Variants in ZBTB41 observed in about 807,000 individuals in gnomAD.
The protein encoded by ZBTB41 is zinc finger and BTB domain-containing protein 41.
ZBTB41 carries 42 observed loss-of-function variants against 87.6 expected under a neutral mutation model. That is an observed-to-expected ratio of 0.48 (90% CI 0.37 to 0.62). The LOEUF (loss-of-function observed/expected upper bound fraction) is 0.62. Among genes scored for constraint, ZBTB41 ranks in the 20% least tolerant of loss-of-function variants. The pLI is 0.00. For missense variants in ZBTB41, 799 were observed against 1,078.9 expected (o/e 0.74, Z 3.63); for synonymous variants, 364 against 364.0 (o/e 1.00, Z 0.00).
rs530078716 is a variant in ZBTB41, at chr1:197,194,033, T to C, written c.1121-2134A>G. Among the ~76,000 whole-genome samples the C allele has an allele frequency of 6.2e-4, 94 of 152,282 alleles. 1 individual carries two copies. The highest frequency in any genetic ancestry group is 4.1e-4 in the Non-Finnish European group (28 of 68,028). On this transcript the variant is annotated intron_variant, in intron 2 of 10. Coordinates refer to ENST00000367405, the MANE Select transcript of ZBTB41 (RefSeq NM_194314.3). The stretch of plus-strand genomic sequence containing the variant: ...AAATCTTCTCATCTTTCTTTCTTTT[T>C]TTTTTGAGACGGAGTTTTGCTCTTG...
intron 2 of ZBTB41, among the ~76,000 whole-genome samples, chr1:197,195,434 A>G (rs1336641356): frequency 1.3e-5 from 2 of 152,230 alleles, no homozygotes; most frequent in Admixed American, 1.3e-4. Flanking sequence ...TGAGTTCATT[A>G]TATATCTGAT....
intron 3 of ZBTB41, 37 bp downstream of exon 3, chr1:197,191,655 A>C: frequency 5.9e-6 from 9 of 1,524,396 alleles, no homozygotes; most frequent in Non-Finnish European, 8.0e-6. Flanking sequence ...ATTAAAAGGC[A>C]CAATAAAGTA....
Position 197,158,538 on chromosome 1 carries a change from T to C in ZBTB41, c.*821A>G, listed in dbSNP as rs2125121043. The C allele has an allele frequency of 6.6e-6, 1 of 152,570 alleles. No homozygotes were observed. The highest frequency in any genetic ancestry group is 6.5e-5 in the Admixed American group (1 of 15,272). The allele number at this position is 152,570 out of a possible 1,614,324, so 9.5% of individuals were successfully genotyped here. On this transcript the variant is annotated 3_prime_UTR_variant, in exon 11 of 11. Transcript: ENST00000367405. ...ATATGCTATGTTGTATTGTCAACAT[T>C]TCTGAAATAAATAGTAAAGTACAAA... is the stretch of plus-strand genomic sequence containing the variant.
At chr1:197,189,404 T>C (rs536102701) in intron 4 of ZBTB41, among the ~76,000 whole-genome samples, 1 of 151,898 alleles carries the variant, frequency 6.6e-6, no homozygotes, top group East Asian at 1.9e-4. Flanking sequence ...TGTGCACCTG[T>C]AGTCCCAGCT....
chr1:197,191,456 C>CAAAAA (rs537220441), intron 3 of ZBTB41, among the ~76,000 whole-genome samples: 1 of 85,330 alleles, frequency 1.2e-5, no homozygotes, highest in Admixed American at 1.3e-4. Flanking sequence ...AGCCCTACTT[C>CAAAAA]AAAAAAAAAA....
chr1:197,178,311 T>C (rs1571656606), intron 7 of ZBTB41, 106 bp downstream of exon 7: 1 of 736,166 alleles, frequency 1.4e-6, no homozygotes, highest in East Asian at 3.1e-5. Flanking sequence ...TTGCATATCA[T>C]AAGGACTAAG....
chr1:197,183,774 A>C (rs1659814871), intron 5 of ZBTB41, among the ~76,000 whole-genome samples: 1 of 152,194 alleles, frequency 6.6e-6, no homozygotes, highest in Admixed American at 6.6e-5. Context: ...AGGGGAGCTA[A>C]GCCTTACTGC....
chr1:197,189,644 C>T (rs186319202), intron 4 of ZBTB41, among the ~76,000 whole-genome samples: 1 of 152,276 alleles, frequency 6.6e-6, no homozygotes, highest in Non-Finnish European at 1.5e-5. Flanking sequence ...ATTCCCTTCT[C>T]TTTAAATCTA....
chr1:197,200,164 C>T lies in ZBTB41; in HGVS notation c.310G>A (p.Val104Ile), dbSNP rs1660275803. The change falls in exon 2 of 11, where the codon GTA (valine) becomes ATA (isoleucine). Residue 104 changes from valine to isoleucine, a missense_variant. Val to Ile is a conservative substitution (Grantham distance 29). This residue lies in a region of ZBTB41 where 59 missense variants were observed against 120.1 expected (regional missense o/e 0.49). Transcript: ENST00000367405. ...VEGKEFSAHK[V>I]VVAVGSSYFH... ...TAACTACTGCCGACAGCAACGACTACTTTATGTGCACTAAATTCTTTTCCT... is the reference window on the plus strand; with the variant it reads ...TAACTACTGCCGACAGCAACGACTATTTTATGTGCACTAAATTCTTTTCCT... 6.2e-7 allele frequency: 1 copy of T among 1,613,832 alleles called. No homozygotes were observed. The highest frequency in any genetic ancestry group is 8.5e-7 in the Non-Finnish European group (1 of 1,180,034).
chr1:197,197,567 G>GGGAGGGAGGGAGGGAA (rs1172756928), intron 2 of ZBTB41, among the ~76,000 whole-genome samples: 14 of 132,100 alleles, frequency 1.1e-4, no homozygotes, highest in East Asian at 4.1e-4. Flanking sequence ...GAGGGAAGGA[G>GGGAGGGAGGGAGGGAA]GGAGGGAGGG....
Position 197,177,188 on chromosome 1 carries a change from G to A in ZBTB41, c.1773-518C>T, listed in dbSNP as rs1431740958. The stretch of plus-strand genomic sequence containing the variant: ...CCCCACATATTGAAGGAGGGACCTG[G>A]TGGCAGGTAACTGGATCATGGGGGC... On this transcript the variant is annotated intron_variant, in intron 7 of 10. Transcript: ENST00000367405. 2.2e-4 allele frequency among the ~76,000 whole-genome samples: 34 copies of A among 152,116 alleles called. 1 individual carries two copies. Among genetic ancestry groups the A allele is most frequent in the Non-Finnish European group, 1.5e-5 (1 of 68,000 alleles).
chr1:197,199,450 C>G lies in ZBTB41; in HGVS notation c.1024G>C (p.Gly342Arg). ...EEEPEAGDSV[G>R]NVHEGLTPVV... is the part of the protein sequence containing the mutation. ...GGAGTTAACCCCTCATGAACATTTC[C>G]TACAGAATCACCAGCCTCAGGTTCT... Residue 342 changes from glycine to arginine, a missense_variant, in exon 2 of 11, where the codon GGA (glycine) becomes CGA (arginine). Physicochemically the swap from Gly to Arg is moderately radical, Grantham distance 125. Around this residue, in one of 5 missense-constraint regions of ZBTB41, gnomAD observed 294 missense variants for 340.1 expected, o/e 0.86. Transcript: ENST00000367405. 1.9e-6 allele frequency: 3 copies of G among 1,612,626 alleles called. No individual in the cohort carries two copies. The South Asian group carries it at 3.3e-5, about 18-fold the overall frequency.
intron 8 of ZBTB41, 140 bp from the exon 9 acceptor site, chr1:197,175,255 C>G: frequency 1.8e-6 from 1 of 557,400 alleles, no homozygotes. Flanking sequence ...GCACTATTTG[C>G]TTTATATTCC....
chr1:197,195,253 T>G (rs1660135947), intron 2 of ZBTB41, among the ~76,000 whole-genome samples: 1 of 152,252 alleles, frequency 6.6e-6, no homozygotes, highest in Admixed American at 6.5e-5. Flanking sequence ...CCACAGCATT[T>G]TTCTGAACTG....
intron 9 of ZBTB41, among the ~76,000 whole-genome samples, chr1:197,173,655 A>G (rs1157098153): frequency 6.6e-6 from 1 of 152,060 alleles, no homozygotes; most frequent in African/African-American, 2.4e-5. Context: ...AAACATTTAC[A>G]CAGATAATTT....
At chr1:197,190,734 C>G in intron 4 of ZBTB41, 28 bp downstream of exon 4, 2 of 1,476,752 alleles carry the variant, frequency 1.4e-6, no homozygotes, top group Non-Finnish European at 1.9e-6. Context: ...CTTTGGTTTT[C>G]TAATTTGTTT....
chr1:197,198,320 C>G lies in ZBTB41; in HGVS notation c.1120+1034G>C, dbSNP rs1008086608. Among the ~76,000 whole-genome samples the G allele has an allele frequency of 2.6e-5, 4 of 152,170 alleles. No homozygotes were observed. The South Asian group carries it at 6.2e-4, about 24-fold the overall frequency. On this transcript the variant is annotated intron_variant, in intron 2 of 10. Transcript: ENST00000367405. ...CATTATAAAAAGCAAAAAGCAGATA[C>G]CACTGTTATGTCAGCGTATAATGCA...
intron 4 of ZBTB41, among the ~76,000 whole-genome samples, chr1:197,188,867 A>T (rs1398323492): frequency 3.3e-5 from 5 of 152,222 alleles, no homozygotes; most frequent in Non-Finnish European, 7.3e-5. Flanking sequence ...CAGTCTAAAA[A>T]TTTGACATTC....
chr1:197,183,367 A>C (rs1269369838), intron 5 of ZBTB41, among the ~76,000 whole-genome samples: 1 of 152,196 alleles, frequency 6.6e-6, no homozygotes, highest in Non-Finnish European at 1.5e-5. Context: ...TGGAAGTCTG[A>C]GAGGCTGTTC....
Sources: allele counts gnomAD v4.1 joint callset (sites outside exome capture counted in the v4.1 genomes callset), GRCh38; gene constraint gnomAD v4.1.1; regional missense constraint gnomAD v4.1.1; transcripts MANE v1.5; gene names NCBI Gene and HGNC (gene_info 2026-07-23, HGNC 2026-07-21).